ARHGAP12: variants seen among roughly 807,000 people sequenced by gnomAD.
ARHGAP12 encodes rho GTPase-activating protein 12.
ARHGAP12 carries 64 observed loss-of-function variants against 108.6 expected under a neutral mutation model. The observed-to-expected ratio is 0.59, with a 90% CI of 0.48 to 0.73. The LOEUF (loss-of-function observed/expected upper bound fraction) is 0.73, where lower values mean the gene tolerates loss of function less well. ARHGAP12 is among the 30% of genes least tolerant of loss of function. ARHGAP12 has a pLI of 0.00. For missense variants in ARHGAP12, 940 were observed against 1,005.9 expected (o/e 0.93, Z 0.89); for synonymous variants, 312 against 337.2 (o/e 0.93, Z 0.82).
Position 31,908,943 on chromosome 10 carries a change from G to C in ARHGAP12, c.-71-17C>G. 2 of 1,275,658 alleles carry C rather than the reference G, an allele frequency of 1.6e-6. No individual in the cohort carries two copies. Among genetic ancestry groups the C allele is most frequent in the Non-Finnish European group, 2.1e-6 (2 of 931,758 alleles). 79.0% of individuals were successfully genotyped at this position (1,275,658 alleles called of 1,614,324 possible). ...TGAATATAGCTGTTTTATTTAAATG[G>C]AGAAAGAGAATGAAGAAAAAAGTTA... On this transcript the variant is annotated splice_polypyrimidine_tract_variant and intron_variant, in intron 2 of 19. Transcript: ENST00000344936.
intron 9 of ARHGAP12, among the ~76,000 whole-genome samples, chr10:31,837,285 G>A (rs989261761): frequency 1.3e-5 from 2 of 152,142 alleles, no homozygotes; most frequent in African/African-American, 2.4e-5. Context: ...CCTTAGATTC[G>A]TATGGCAATT....
chr10:31,834,557 A>G lies in ARHGAP12; in HGVS notation c.1387-2757T>C, dbSNP rs142670179. ...AAGCCACTCAGTTTATATTTTTGCT[A>G]TACCAGCCCCAATGGACTAAGACAC... is the stretch of plus-strand genomic sequence containing the variant. On this transcript the variant is annotated intron_variant, in intron 9 of 19. Coordinates refer to ENST00000344936, the MANE Select transcript of ARHGAP12 (RefSeq NM_018287.7). Among the ~76,000 whole-genome samples, 16 of 152,326 alleles carry G rather than the reference A, an allele frequency of 1.1e-4. No homozygotes were observed. In the East Asian group the frequency reaches 3.1e-3, roughly 29 times the overall value.
chr10:31,861,108 A>C (rs752595000), intron 4 of ARHGAP12, among the ~76,000 whole-genome samples: 11 of 152,212 alleles, frequency 7.2e-5, no homozygotes, highest in Non-Finnish European at 1.6e-4. Context: ...TGCAGTAACA[A>C]CTGAAATAGT....
chr10:31,893,415 T>A (rs190975577), intron 3 of ARHGAP12, among the ~76,000 whole-genome samples: 55 of 151,996 alleles, frequency 3.6e-4, no homozygotes, highest in Admixed American at 2.5e-3. Flanking sequence ...AAAGGGGATA[T>A]CACCACCGAT....
Position 31,805,743 on chromosome 10 carries a change from CCAAGAA to C in ARHGAP12, c.*1909_*1914del, listed in dbSNP as rs1388729068. 1 of 151,290 alleles carries C rather than the reference CCAAGAA, an allele frequency of 6.6e-6. No individual in the cohort carries two copies. Among genetic ancestry groups the C allele is most frequent in the Non-Finnish European group, 1.5e-5 (1 of 67,924 alleles). 9.4% of individuals were successfully genotyped at this position (151,290 alleles called of 1,614,324 possible). A position where few individuals can be genotyped will look rare whatever the true frequency, so the allele number is the denominator to read the frequency against. ...AATCTTTGATATATGTTCATGAACACCAAGAACAAGAACATCACTGATTTGAGTCTA... is the reference window on the plus strand; with the variant it reads ...AATCTTTGATATATGTTCATGAACACCAAGAACATCACTGATTTGAGTCTA... On this transcript the variant is annotated 3_prime_UTR_variant, in exon 20 of 20. Transcript: ENST00000344936.
rs71027040 is a variant in ARHGAP12 at position 31,920,449 on chromosome 10, C to CAAAAAAAAAAAA, written c.-111+8222_-111+8233dup. On this transcript the variant is annotated intron_variant, in intron 1 of 19. Transcript: ENST00000344936. The stretch of plus-strand genomic sequence containing the variant: ...TAGGCGACAGAGTGAGACTCCGTCT[C>CAAAAAAAAAAAA]AAAAAAAAAAAAAAAAAAAAAAGAA... Among the ~76,000 whole-genome samples, 535 of 59,566 alleles carry CAAAAAAAAAAAA rather than the reference C, an allele frequency of 9.0e-3. 55 individuals carry two copies. Among genetic ancestry groups the CAAAAAAAAAAAA allele is most frequent in the African/African-American group, 0.038 (507 of 13,440 alleles). The allele number at this position is 59,566 out of a possible 152,430, so 39.1% of individuals were successfully genotyped here. A position where few individuals can be genotyped will look rare whatever the true frequency, so the allele number is the denominator to read the frequency against.
intron 4 of ARHGAP12, among the ~76,000 whole-genome samples, chr10:31,861,047 T>A (rs1403043567): frequency 6.6e-6 from 1 of 152,176 alleles, no homozygotes; most frequent in South Asian, 2.1e-4. Flanking sequence ...AGAGCTAGAC[T>A]CCATCTCTTA....
At chr10:31,881,166 A>G (rs1837939852) in intron 3 of ARHGAP12, among the ~76,000 whole-genome samples, 1 of 152,134 alleles carries the variant, frequency 6.6e-6, no homozygotes, top group Admixed American at 6.5e-5. Context: ...AAAGAAAAAA[A>G]GAAAAAAAAC....
chr10:31,912,988 T>C (rs889260976), intron 1 of ARHGAP12, among the ~76,000 whole-genome samples: 1 of 152,250 alleles, frequency 6.6e-6, no homozygotes, highest in Non-Finnish European at 1.5e-5. Flanking sequence ...TTCATTCTGT[T>C]GACTGTTTCC....
chr10:31,920,221 G>GGT (rs1431009745), intron 1 of ARHGAP12, among the ~76,000 whole-genome samples: 1 of 151,862 alleles, frequency 6.6e-6, no homozygotes, highest in Non-Finnish European at 1.5e-5. Context: ...GGGAGGCAGA[G>GGT]GTGGGCGGAT....
chr10:31,868,270 G>C (rs910977107), intron 3 of ARHGAP12, among the ~76,000 whole-genome samples: 4 of 151,282 alleles, frequency 2.6e-5, no homozygotes, highest in African/African-American at 9.7e-5. Context: ...ACTAAGAAAA[G>C]CAGAAAATAA....
intron 3 of ARHGAP12, among the ~76,000 whole-genome samples, chr10:31,867,767 C>T (rs1184872604): frequency 6.6e-6 from 1 of 151,970 alleles, no homozygotes; most frequent in African/African-American, 2.4e-5. Context: ...ATGTTCATTC[C>T]AGTGTTATTT....
intron 3 of ARHGAP12, among the ~76,000 whole-genome samples, chr10:31,889,384 C>T (rs1024950619): frequency 8.5e-5 from 13 of 152,072 alleles, no homozygotes; most frequent in Admixed American, 3.9e-4. Context: ...TCTAAGTGAC[C>T]TTACTTCAGT....
chr10:31,838,088 A>G (rs529119800), intron 9 of ARHGAP12, among the ~76,000 whole-genome samples: 1 of 152,358 alleles, frequency 6.6e-6, no homozygotes, highest in East Asian at 1.9e-4. Flanking sequence ...AACTTTGCCT[A>G]ACCTAGAGAA....
chr10:31,905,098 C>T (rs1172779366), intron 3 of ARHGAP12, among the ~76,000 whole-genome samples: 1 of 151,606 alleles, frequency 6.6e-6, no homozygotes, highest in East Asian at 1.9e-4. Flanking sequence ...AGACTGGTTA[C>T]AGAATATATA....
intron 3 of ARHGAP12, among the ~76,000 whole-genome samples, chr10:31,880,239 A>G (rs1472389481): frequency 6.6e-6 from 1 of 152,244 alleles, no homozygotes; most frequent in Non-Finnish European, 1.5e-5. Flanking sequence ...AAAAATGATT[A>G]AAATGTTTAA....
intron 10 of ARHGAP12, among the ~76,000 whole-genome samples, chr10:31,827,827 C>T (rs533873703): frequency 1.3e-4 from 19 of 151,646 alleles, no homozygotes; most frequent in African/African-American, 4.4e-4. Flanking sequence ...AAAACCACCT[C>T]TAAAGGAGGT....
chr10:31,928,389 G>T (rs1171831458), intron 1 of ARHGAP12, among the ~76,000 whole-genome samples: 1 of 151,796 alleles, frequency 6.6e-6, no homozygotes, highest in African/African-American at 2.4e-5. Context: ...AACCCAGGGG[G>T]CAGAGAAGCC....
chr10:31,887,651 T>C (rs115856763), intron 3 of ARHGAP12, among the ~76,000 whole-genome samples: 1 of 137,718 alleles, frequency 7.3e-6, no homozygotes, highest in Non-Finnish European at 1.5e-5. Flanking sequence ...GCCCTTCCTG[T>C]TTTTTTTTTG....
Sources: gnomAD v4.1 joint callset for allele counts (sites outside exome capture counted in the v4.1 genomes callset) on GRCh38, gnomAD v4.1.1 for gene constraint, MANE v1.5 for transcripts, NCBI Gene and HGNC (gene_info 2026-07-23, HGNC 2026-07-21) for gene names.